The following ATP8B4 variants were observed in gnomAD, a reference collection of about 807,000 sequenced individuals.
The protein encoded by ATP8B4 is ATPase phospholipid transporting 8B4 (putative), also known as probable phospholipid-transporting ATPase IM.
Under a neutral mutation model 145.6 loss-of-function variants are expected in ATP8B4, and 133 were observed. The ratio of observed to expected loss-of-function variants is 0.91; its 90% confidence interval spans 0.79 to 1.05. ATP8B4 has a LOEUF of 1.05. Among genes scored for constraint, ATP8B4 ranks in the 50% least tolerant of loss-of-function variants. ATP8B4 has a pLI of 0.00. For synonymous variants in ATP8B4, 507 were observed against 492.9 expected (o/e 1.03, Z -0.38); for missense variants, 1,458 against 1,425.2 (o/e 1.02, Z -0.37).
chr15:50,022,229 AT>A (rs2049636132), intron 6 of ATP8B4, among the ~76,000 whole-genome samples: 3 of 152,120 alleles, frequency 2.0e-5, no homozygotes, highest in African/African-American at 7.2e-5. Flanking sequence ...AGTTTTTCAC[AT>A]TTTTAGTTGA....
At chr15:49,975,938 A>G (rs2045620280) in intron 12 of ATP8B4, among the ~76,000 whole-genome samples, 1 of 152,152 alleles carries the variant, frequency 6.6e-6, no homozygotes, top group African/African-American at 2.4e-5. Context: ...CTTATTTCTG[A>G]TCTTAGTGGA....
chr15:49,972,530 A>G (rs984202186), intron 13 of ATP8B4, 52 bp downstream of exon 13: 4 of 1,548,464 alleles, frequency 2.6e-6, no homozygotes, highest in Admixed American at 2.0e-5. Flanking sequence ...GGGGTCAGTT[A>G]TTCAAGAAAT....
intron 20 of ATP8B4, 82 bp downstream of exon 20, chr15:49,916,852 T>C: frequency 7.6e-7 from 1 of 1,321,498 alleles, no homozygotes; most frequent in Non-Finnish European, 1.1e-6. Flanking sequence ...ATAGCATAGC[T>C]TTTCACTTTC....
intron 10 of ATP8B4, among the ~76,000 whole-genome samples, chr15:49,984,839 C>T (rs2046450146): frequency 6.6e-6 from 1 of 152,068 alleles, no homozygotes; most frequent in African/African-American, 2.4e-5. Context: ...ATGCAGTGTG[C>T]ACTCAAGATG....
intron 14 of ATP8B4, among the ~76,000 whole-genome samples, chr15:49,952,891 C>A (rs928266755): frequency 4.5e-5 from 6 of 133,898 alleles, no homozygotes; most frequent in Admixed American, 1.5e-4. Flanking sequence ...TTTGTGGGGG[C>A]CTTTTGTTGT....
Position 50,038,845 on chromosome 15 carries a change from G to A in ATP8B4, c.301-16C>T, listed in dbSNP as rs1315803736. On this transcript the variant is annotated splice_polypyrimidine_tract_variant and intron_variant, in intron 5 of 27. Transcript: ENST00000284509. ...TGTGGCGAAACTGAAAAATCAAAGT[G>A]TTTGTGAGAAAACACATTACAAGGT... 24 of 1,610,534 alleles carry A rather than the reference G, an allele frequency of 1.5e-5. No individual in the cohort carries two copies. The highest frequency in any genetic ancestry group is 6.7e-5 in the East Asian group (3 of 44,836).
At chr15:49,947,602 T>TA (rs397750905) in intron 14 of ATP8B4, among the ~76,000 whole-genome samples, 7 of 151,276 alleles carry the variant, frequency 4.6e-5, no homozygotes, top group Admixed American at 4.6e-4. Flanking sequence ...GGTATTTTTT[T>TA]ACAGAAGTAT....
chr15:50,163,337 A>T (rs1401580092), intron 1 of ATP8B4, among the ~76,000 whole-genome samples: 6 of 152,228 alleles, frequency 3.9e-5, no homozygotes, highest in African/African-American at 1.4e-4. Context: ...CTATATCTGC[A>T]TTGGGGGCAC....
intron 13 of ATP8B4, among the ~76,000 whole-genome samples, chr15:49,964,466 A>G (rs1377053777): frequency 6.6e-6 from 1 of 152,190 alleles, no homozygotes. Context: ...GAAATAGAAG[A>G]TTTAGATAAA....
At chr15:49,919,981 T>C (rs2040108985) in intron 18 of ATP8B4, among the ~76,000 whole-genome samples, 1 of 152,002 alleles carries the variant, frequency 6.6e-6, no homozygotes, top group Non-Finnish European at 1.5e-5. Flanking sequence ...CCATCAGAGG[T>C]TGACAAAGAA....
intron 16 of ATP8B4, among the ~76,000 whole-genome samples, chr15:49,928,489 A>G (rs1445628121): frequency 6.6e-6 from 1 of 152,140 alleles, no homozygotes; most frequent in Admixed American, 6.5e-5. Context: ...CAGATTGCAA[A>G]TAATTTTGCA....
intron 2 of ATP8B4, among the ~76,000 whole-genome samples, chr15:50,079,734 G>A (rs73400834): frequency 0.039 from 5,944 of 152,216 alleles, 395 homozygotes; most frequent in African/African-American, 0.14. Flanking sequence ...TTAAATCCAG[G>A]AATATATTTT....
intron 23 of ATP8B4, among the ~76,000 whole-genome samples, chr15:49,885,450 C>G (rs1290860216): frequency 6.6e-6 from 1 of 152,114 alleles, no homozygotes; most frequent in Non-Finnish European, 1.5e-5. Flanking sequence ...TCCATGAAAA[C>G]AGAAATTTAC....
chr15:49,951,717 G>T (rs2043121591), intron 14 of ATP8B4, among the ~76,000 whole-genome samples: 1 of 152,114 alleles, frequency 6.6e-6, no homozygotes, highest in African/African-American at 2.4e-5. Flanking sequence ...TGTTATATGT[G>T]AATTTGATCC....
At chr15:50,118,078 A>T (rs1394265400) in intron 1 of ATP8B4, among the ~76,000 whole-genome samples, 1 of 152,222 alleles carries the variant, frequency 6.6e-6, no homozygotes, top group African/African-American at 2.4e-5. Context: ...AACAGGTTCT[A>T]GTATTTGATA....
At chr15:49,963,997 T>C (rs1340568597) in intron 13 of ATP8B4, among the ~76,000 whole-genome samples, 3 of 152,216 alleles carry the variant, frequency 2.0e-5, no homozygotes, top group African/African-American at 7.2e-5. Flanking sequence ...AAGATTTTCA[T>C]TTCTGTTTTA....
chr15:50,037,524 A>G (rs1309014128), intron 6 of ATP8B4, among the ~76,000 whole-genome samples: 1 of 152,244 alleles, frequency 6.6e-6, no homozygotes, highest in Non-Finnish European at 1.5e-5. Flanking sequence ...CACCTTACAG[A>G]GGAGAAATCC....
rs566759335 is a variant in ATP8B4, at chr15:50,090,735, C to T, written c.28+16204G>A. ...ACTACTACAGTGAAACAAGATCATACTAGCCAAAATTATTGAAATGTGATT... is the reference window on the plus strand; with the variant it reads ...ACTACTACAGTGAAACAAGATCATATTAGCCAAAATTATTGAAATGTGATT... On this transcript the variant is annotated intron_variant, in intron 2 of 27. Transcript: ENST00000284509. Among the ~76,000 whole-genome samples, 7 of 152,184 alleles carry T rather than the reference C, an allele frequency of 4.6e-5. No individual in the cohort carries two copies. In the East Asian group the frequency reaches 1.2e-3, roughly 25 times the overall value.
chr15:49,958,321 C>A (rs2153503845), intron 14 of ATP8B4, among the ~76,000 whole-genome samples: 1 of 150,926 alleles, frequency 6.6e-6, no homozygotes, highest in East Asian at 1.9e-4. Flanking sequence ...TCTTAAAAAA[C>A]AGGAAAGAAT....
Sources: gnomAD v4.1 joint callset for allele counts (sites outside exome capture counted in the v4.1 genomes callset) on GRCh38, gnomAD v4.1.1 for gene constraint, MANE v1.5 for transcripts, NCBI Gene and HGNC (gene_info 2026-07-23, HGNC 2026-07-21) for gene names.